Variants in CYB561 observed in about 807,000 individuals in gnomAD.
The protein encoded by CYB561 is cytochrome b561, also known as transmembrane ascorbate-dependent reductase CYB561.
CYB561 carries 11 observed loss-of-function variants against 25.3 expected under a neutral mutation model. The observed-to-expected ratio is 0.44, with a 90% CI of 0.27 to 0.72. The LOEUF is 0.72. Ranked by LOEUF, CYB561 falls within the 30% of genes least tolerant of loss-of-function variation. The probability of loss-of-function intolerance (pLI) is 0.18; values close to 1 mark genes in which losing one functional copy is unlikely to be tolerated. For synonymous variants in CYB561, 165 were observed against 158.8 expected (o/e 1.04, Z -0.29); for missense variants, 295 against 334.9 (o/e 0.88, Z 0.93).
chr17:63,443,889 G>C (rs1319450747), intron 1 of CYB561, among the ~76,000 whole-genome samples: 3 of 152,154 alleles, frequency 2.0e-5, no homozygotes, highest in Non-Finnish European at 4.4e-5. Flanking sequence ...GCCTCCCAAA[G>C]CTCTGGGATT....
chr17:63,438,229 G>C (rs1161549365), intron 1 of CYB561: 1 of 1,535,444 alleles, frequency 6.5e-7, no homozygotes. Flanking sequence ...TCTGTTTCAT[G>C]AGGCCCTGGC....
At chr17:63,435,504 G>T in intron 4 of CYB561, 184 bp downstream of exon 4, 1 of 694,108 alleles carries the variant, frequency 1.4e-6, no homozygotes. Flanking sequence ...GGGGCGCCTG[G>T]GAGCTGGGCA....
rs905933868 is a variant in CYB561, at chr17:63,436,864, C to T, written c.202+482G>A. Among the ~76,000 whole-genome samples, 3 of 152,210 alleles carry T rather than the reference C, an allele frequency of 2.0e-5. No homozygotes were observed. Among genetic ancestry groups the T allele is most frequent in the Non-Finnish European group, 2.9e-5 (2 of 68,032 alleles). On this transcript the variant is annotated intron_variant, in intron 2 of 5. Coordinates refer to ENST00000360793, the MANE Select transcript of CYB561 (RefSeq NM_001915.4). This position sits in a 1 kb window ranked among gnomAD's most constrained non-coding sequence, Gnocchi z 4.8. ...GGTCAACCGGATGCAGATCCCGCTT[C>T]CTGGATCCCTGGCCTGGAGGCAGGT...
chr17:63,436,158 G>C lies in CYB561; in HGVS notation c.203-6C>G, dbSNP rs1402246471. ...GACACGGTAAACCAGCAGGGCTGTG[G>C]GAGGTGAGAGAGGGAACGTGAGTGC... On this transcript the variant is annotated splice_region_variant and splice_polypyrimidine_tract_variant and intron_variant, in intron 2 of 5. Transcript: ENST00000360793. This position sits in a 1 kb window ranked among gnomAD's most constrained non-coding sequence, Gnocchi z 4.8. 1 of 1,613,628 alleles carries C rather than the reference G, an allele frequency of 6.2e-7. No individual in the cohort carries two copies. Among genetic ancestry groups the C allele is most frequent in the African/African-American group, 1.3e-5 (1 of 74,942 alleles).
In CYB561 at chr17:63,432,577, T is replaced by TAAAC. The variant is rs1018066697; in HGVS notation, c.*1821_*1824dup. 8 of 152,230 alleles carry TAAAC rather than the reference T, an allele frequency of 5.3e-5. No homozygotes were observed. The highest frequency in any genetic ancestry group is 1.9e-4 in the African/African-American group (8 of 41,454). 9.4% of individuals were successfully genotyped at this position (152,230 alleles called of 1,614,324 possible). On this transcript the variant is annotated 3_prime_UTR_variant, in exon 6 of 6. Transcript: ENST00000360793. Reference sequence around the variant, plus strand: ...GTCTAAGGCGGAGTTTTCCCACATGTAAACATTTCACTATACAAGTGTGTG... The same window carrying TAAAC: ...GTCTAAGGCGGAGTTTTCCCACATGTAAACAAACATTTCACTATACAAGTGTGTG...
At position 63,435,993 on chromosome 17, in the gene CYB561, G is replaced by T. The variant is rs778673662; in HGVS notation, c.301+61C>A. 2.5e-6 allele frequency: 4 copies of T among 1,612,434 alleles called. No homozygotes were observed. The East Asian group carries it at 8.9e-5, about 36-fold the overall frequency. On this transcript the variant is annotated intron_variant, in intron 3 of 5. Coordinates refer to ENST00000360793, the MANE Select transcript of CYB561 (RefSeq NM_001915.4). ...GGGAGGGAACAGAGCAGGTGAAGCG[G>T]CTGTTTGCCATACCTGAAGAGGCAG...
intron 1 of CYB561, among the ~76,000 whole-genome samples, chr17:63,444,568 GAGCC>G (rs2049405695): frequency 6.6e-6 from 1 of 151,942 alleles, no homozygotes; most frequent in African/African-American, 2.4e-5. Context: ...GGGCCACAGA[GAGCC>G]AGATGGCAGC....
In CYB561 at chr17:63,436,249, A is replaced by G; in HGVS notation, c.203-97T>C. On this transcript the variant is annotated intron_variant, in intron 2 of 5. Transcript: ENST00000360793. The surrounding 1 kb of genome is among the most constrained non-coding windows in gnomAD (Gnocchi z 4.8). Reference sequence around the variant, plus strand: ...GGCACCTTGGTGGAGAGGTGATGTGAGCTGACGGCTTGTAACAGGAGCCTA... The same window carrying G: ...GGCACCTTGGTGGAGAGGTGATGTGGGCTGACGGCTTGTAACAGGAGCCTA... 6.9e-7 allele frequency: 1 copy of G among 1,441,642 alleles called. No homozygotes were observed. The allele number at this position is 1,441,642 out of a possible 1,614,324, so 89.3% of individuals were successfully genotyped here. A position where few individuals can be genotyped will look rare whatever the true frequency, so the allele number is the denominator to read the frequency against.
intron 1 of CYB561, among the ~76,000 whole-genome samples, chr17:63,439,560 A>G (rs943400539): frequency 1.4e-4 from 22 of 151,900 alleles, no homozygotes; most frequent in Admixed American, 1.2e-3. Flanking sequence ...ATTAAAAAAA[A>G]AAGGGTGTGT....
rs1249458770 is a variant in CYB561 at position 63,432,713 on chromosome 17, G to C, written c.*1689C>G. 6.6e-6 allele frequency: 1 copy of C among 152,330 alleles called. No individual in the cohort carries two copies. The highest frequency in any genetic ancestry group is 1.5e-5 in the Non-Finnish European group (1 of 68,148). The allele number at this position is 152,330 out of a possible 1,614,324, so 9.4% of individuals were successfully genotyped here. ...TGAGAGGAGGCGGGGAAAGGGGCTC[G>C]AAGGAGCCTGGGCAGACCCTGCTGG... On this transcript the variant is annotated 3_prime_UTR_variant, in exon 6 of 6. Coordinates refer to ENST00000360793, the MANE Select transcript of CYB561 (RefSeq NM_001915.4).
chr17:63,434,493 G>C lies in CYB561; in HGVS notation c.665C>G (p.Ala222Gly). 1.2e-6 allele frequency: 2 copies of C among 1,612,978 alleles called. No individual in the cohort carries two copies. The highest frequency in any genetic ancestry group is 1.7e-6 in the Non-Finnish European group (2 of 1,179,692). Residue 222 changes from alanine to glycine, a missense_variant, in exon 6 of 6, where the codon GCC (alanine) becomes GGC (glycine). Coordinates refer to ENST00000360793, the MANE Select transcript of CYB561 (RefSeq NM_001915.4). ...GGAVLYILTR[A>G]DWKRPSQAEE... The stretch of plus-strand genomic sequence containing the variant: ...CGCCTGGGAAGGCCGCTTCCAGTCG[G>C]CCCGGGTCAAGATGTAGAGCACCGC...
intron 1 of CYB561, chr17:63,440,062 C>G: frequency 2.5e-6 from 1 of 398,550 alleles, no homozygotes. Context: ...TCCAGAAGCC[C>G]CAGCCAACAA....
At chr17:63,445,999 G>T (rs946403540) in intron 1 of CYB561, 1 of 152,352 alleles carries the variant, frequency 6.6e-6, no homozygotes, top group Non-Finnish European at 1.5e-5. Context: ...ACCCGGGCAG[G>T]CCAGGGCAGG....
intron 2 of CYB561, chr17:63,437,094 C>T (rs1455072322): frequency 5.4e-5 from 29 of 535,280 alleles, no homozygotes; most frequent in Non-Finnish European, 8.3e-5. Context: ...AAGAAGTGCC[C>T]GCCTTGGATG....
intron 4 of CYB561, 53 bp from the exon 5 acceptor site, chr17:63,435,296 G>T: frequency 6.3e-7 from 1 of 1,584,354 alleles, no homozygotes; most frequent in Non-Finnish European, 8.6e-7. Context: ...CACCCCAGCA[G>T]CCGAGGTCGG....
chr17:63,443,729 G>C (rs2049397957), intron 1 of CYB561, among the ~76,000 whole-genome samples: 1 of 152,168 alleles, frequency 6.6e-6, no homozygotes, highest in Non-Finnish European at 1.5e-5. Context: ...CTGGGCTCGA[G>C]GGATCCTCCC....
At chr17:63,443,087 G>T (rs142828249) in intron 1 of CYB561, among the ~76,000 whole-genome samples, 1 of 152,186 alleles carries the variant, frequency 6.6e-6, no homozygotes, top group Admixed American at 6.5e-5. Context: ...TGGGTGAAGG[G>T]GAAAACAGCT....
At chr17:63,440,399 GC>G (rs890169104) in intron 1 of CYB561, among the ~76,000 whole-genome samples, 4 of 152,062 alleles carry the variant, frequency 2.6e-5, no homozygotes, top group Non-Finnish European at 5.9e-5. Flanking sequence ...CATCCTCACT[GC>G]CCCACCCAAG....
At chr17:63,435,307 C>T in intron 4 of CYB561, 64 bp from the exon 5 acceptor site, 1 of 1,563,088 alleles carries the variant, frequency 6.4e-7, no homozygotes, top group South Asian at 1.2e-5. Flanking sequence ...CCGAGGTCGG[C>T]CAGGCCCACA....
Sources: gnomAD v4.1 joint callset for allele counts (sites outside exome capture counted in the v4.1 genomes callset) on GRCh38, gnomAD v4.1.1 for gene constraint, Gnocchi (gnomAD v3.1) non-coding constraint, MANE v1.5 for transcripts, NCBI Gene and HGNC (gene_info 2026-07-23, HGNC 2026-07-21) for gene names.